Variants in CCDC73 observed in about 807,000 individuals in gnomAD.
The protein encoded by CCDC73 is coiled-coil domain-containing protein 73.
A neutral mutation model predicts 116.5 loss-of-function variants in CCDC73; 95 were observed. The observed-to-expected ratio is 0.82, with a 90% CI of 0.69 to 0.97. The LOEUF (loss-of-function observed/expected upper bound fraction) is 0.97. CCDC73 is among the 50% of genes least tolerant of loss of function. The probability of loss-of-function intolerance (pLI) is 0.00; values close to 1 mark genes in which losing one functional copy is unlikely to be tolerated. For synonymous variants in CCDC73, 398 were observed against 401.3 expected (o/e 0.99, Z 0.10); for missense variants, 1,066 against 1,206.8 (o/e 0.88, Z 1.73).
chr11:32,656,960 A>AT (rs1403442331), intron 9 of CCDC73, among the ~76,000 whole-genome samples: 1 of 152,190 alleles, frequency 6.6e-6, no homozygotes, highest in Non-Finnish European at 1.5e-5. Context: ...AAATAAAAAC[A>AT]TTTTTTGTAG....
intron 1 of CCDC73, among the ~76,000 whole-genome samples, chr11:32,762,094 T>C (rs1850397167): frequency 6.6e-6 from 1 of 152,130 alleles, no homozygotes; most frequent in Non-Finnish European, 1.5e-5. Context: ...TTTGACCCAA[T>C]ATCTGGGTAC....
chr11:32,720,297 A>G (rs533123397), intron 2 of CCDC73, among the ~76,000 whole-genome samples: 1 of 152,294 alleles, frequency 6.6e-6, no homozygotes, highest in South Asian at 2.1e-4. Flanking sequence ...CAACCAACAC[A>G]GAAAAAACAC....
intron 13 of CCDC73, among the ~76,000 whole-genome samples, chr11:32,641,715 G>GTATATA (rs56262743): frequency 0.074 from 11,042 of 148,812 alleles, 460 homozygotes; most frequent in South Asian, 0.12. Context: ...ATATGTGTGT[G>GTATATA]TATATATATA....
At chr11:32,765,849 T>A (rs1433668162) in intron 1 of CCDC73, among the ~76,000 whole-genome samples, 1 of 152,084 alleles carries the variant, frequency 6.6e-6, no homozygotes, top group East Asian at 1.9e-4. Context: ...CAGGACCAGA[T>A]GGATTCACAG....
At chr11:32,745,970 A>G (rs1850235364) in intron 2 of CCDC73, among the ~76,000 whole-genome samples, 1 of 152,030 alleles carries the variant, frequency 6.6e-6, no homozygotes, top group African/African-American at 2.4e-5. Context: ...CTGTCATTAT[A>G]ATGCTAGCTG....
At chr11:32,764,472 G>T (rs189573455) in intron 1 of CCDC73, among the ~76,000 whole-genome samples, 1 of 152,162 alleles carries the variant, frequency 6.6e-6, no homozygotes, top group African/African-American at 2.4e-5. Context: ...CATTCTTAAA[G>T]AAAAGAATTT....
At chr11:32,738,580 T>C (rs1850156339) in intron 2 of CCDC73, among the ~76,000 whole-genome samples, 1 of 152,252 alleles carries the variant, frequency 6.6e-6, no homozygotes, top group South Asian at 2.1e-4. Flanking sequence ...GTTTGAGCTC[T>C]TTATGTATTT....
chr11:32,638,504 C>G (rs1432026435), intron 13 of CCDC73, among the ~76,000 whole-genome samples: 1 of 151,930 alleles, frequency 6.6e-6, no homozygotes, highest in African/African-American at 2.4e-5. Flanking sequence ...TTTTTTGAGA[C>G]AGAGTCTTGT....
intron 9 of CCDC73, among the ~76,000 whole-genome samples, chr11:32,668,641 G>C (rs890107515): frequency 6.6e-6 from 1 of 152,104 alleles, no homozygotes; most frequent in Non-Finnish European, 1.5e-5. Context: ...CTTAGAAAGT[G>C]GTATGTGTAA....
At chr11:32,671,507 T>C (rs1856037822) in intron 9 of CCDC73, among the ~76,000 whole-genome samples, 3 of 151,966 alleles carry the variant, frequency 2.0e-5, no homozygotes, top group Non-Finnish European at 4.4e-5. Context: ...TTTGGGAGAA[T>C]TAGTGATTAG....
intron 1 of CCDC73, among the ~76,000 whole-genome samples, chr11:32,768,411 T>C (rs983939689): frequency 4.6e-5 from 7 of 152,136 alleles, no homozygotes; most frequent in Non-Finnish European, 8.8e-5. Context: ...GCATGGTACA[T>C]GTATACATAT....
Position 32,654,855 on chromosome 11 carries a change from TTTCTTGAAG to T in CCDC73, c.754_762del (p.Leu252_Glu254del). The T allele has an allele frequency of 6.5e-7, 1 of 1,537,536 alleles. No homozygotes were observed. The highest frequency in any genetic ancestry group is 1.2e-5 in the South Asian group (1 of 82,834). ...ATTTAATAAAATACCATGTTGAGTC[TTTCTTGAAG>T]TTCTTGAAATTTTTGTTCTTTAATT... On this transcript the variant is annotated inframe_deletion, in exon 10 of 18. Coordinates refer to ENST00000335185, the MANE Select transcript of CCDC73 (RefSeq NM_001008391.4).
At position 32,700,888 on chromosome 11, in the gene CCDC73, C is replaced by A; in HGVS notation, c.280-62G>T. ...ACTGTTAACAGTGATCTATACTGGTCACTGAGACTAAAGAAACACTTTACA... is the reference window on the plus strand; with the variant it reads ...ACTGTTAACAGTGATCTATACTGGTAACTGAGACTAAAGAAACACTTTACA... On this transcript the variant is annotated intron_variant, in intron 4 of 17. Transcript: ENST00000335185. 5.8e-6 allele frequency: 4 copies of A among 690,918 alleles called. No homozygotes were observed. In the South Asian group the frequency reaches 1.1e-4, roughly 18 times the overall value. 42.8% of individuals were successfully genotyped at this position (690,918 alleles called of 1,614,324 possible).
At chr11:32,829,655 TG>T in the CCDC73 span, 1 of 677,254 alleles carries the variant, frequency 1.5e-6, no homozygotes. Flanking sequence ...TGCTTAAGAC[TG>T]AGAACCGAAA....
intron 2 of CCDC73, among the ~76,000 whole-genome samples, chr11:32,730,146 G>A (rs1055914663): frequency 2.0e-5 from 3 of 152,184 alleles, no homozygotes; most frequent in Non-Finnish European, 2.9e-5. Flanking sequence ...TCCTTCTGGT[G>A]TCATTTTACA....
chr11:32,685,285 A>AC (rs1297066917), intron 6 of CCDC73, among the ~76,000 whole-genome samples: 4 of 150,948 alleles, frequency 2.6e-5, no homozygotes, highest in African/African-American at 9.7e-5. Context: ...AAAAAAAAAA[A>AC]AACTCCTGCC....
chr11:32,644,977 T>C (rs1409364203), intron 12 of CCDC73, among the ~76,000 whole-genome samples: 3 of 152,222 alleles, frequency 2.0e-5, no homozygotes, highest in East Asian at 1.9e-4. Flanking sequence ...GGATGCACCA[T>C]AGTTTGTTTA....
chr11:32,623,098 T>C (rs1855537697), intron 14 of CCDC73, among the ~76,000 whole-genome samples: 1 of 152,150 alleles, frequency 6.6e-6, no homozygotes, highest in South Asian at 2.1e-4. Flanking sequence ...AACCTCTGCC[T>C]TCCGGTTTCA....
At chr11:32,732,778 T>C (rs963071386) in intron 2 of CCDC73, among the ~76,000 whole-genome samples, 3 of 152,006 alleles carry the variant, frequency 2.0e-5, no homozygotes, top group African/African-American at 4.8e-5. Flanking sequence ...GCACTAAACA[T>C]GGAAAGGAAC....
Sources: gnomAD v4.1 joint callset for allele counts (sites outside exome capture counted in the v4.1 genomes callset) on GRCh38, gnomAD v4.1.1 for gene constraint, MANE v1.5 for transcripts, NCBI Gene and HGNC (gene_info 2026-07-23, HGNC 2026-07-21) for gene names.